Variants in DLGAP2 observed in about 807,000 individuals in gnomAD.
The protein encoded by DLGAP2 is DLG associated protein 2.
A neutral mutation model predicts 100.3 loss-of-function variants in DLGAP2; 26 were observed. The ratio of observed to expected loss-of-function variants is 0.26; its 90% CI spans 0.19 to 0.36. The LOEUF (loss-of-function observed/expected upper bound fraction) is 0.36. DLGAP2 is among the 10% of genes least tolerant of loss of function. The probability of loss-of-function intolerance (pLI) is 1.00; values close to 1 mark genes in which losing one functional copy is unlikely to be tolerated. For missense variants in DLGAP2, 1,858 were observed against 1,453.2 expected (o/e 1.28, Z -4.53); for synonymous variants, 886 against 630.1 (o/e 1.41, Z -6.08).
At chr8:937,961 G>C (rs968108160) in intron 2 of DLGAP2, among the ~76,000 whole-genome samples, 1 of 152,150 alleles carries the variant, frequency 6.6e-6, no homozygotes, top group Non-Finnish European at 1.5e-5. Context: ...ATCCAAGGTG[G>C]AGCTGAGGGT....
chr8:919,358 T>C (rs1798660382), intron 2 of DLGAP2, among the ~76,000 whole-genome samples: 1 of 152,190 alleles, frequency 6.6e-6, no homozygotes, highest in Non-Finnish European at 1.5e-5. Flanking sequence ...GCTTGTGCTT[T>C]CTGATGTTCT....
At position 1,077,979 on chromosome 8, in the gene DLGAP2, G is replaced by T. The variant is rs149737424; in HGVS notation, c.73+170013G>T. On this transcript the variant is annotated intron_variant, in intron 2 of 14. Transcript: ENST00000637795. ...ACTCCAGGGGTGTCATCCACGCCAT[G>T]TCCTCTGTGGCTGTTGCCAGCTCTA... Among the ~76,000 whole-genome samples the T allele has an allele frequency of 6.2e-3, 947 of 152,298 alleles. 13 individuals are homozygous for T. Among genetic ancestry groups the T allele is most frequent in the Admixed American group, 8.1e-3 (124 of 15,312 alleles).
intron 3 of DLGAP2, among the ~76,000 whole-genome samples, chr8:1,455,443 G>A (rs1798285065): frequency 6.6e-6 from 1 of 152,238 alleles, no homozygotes; most frequent in Non-Finnish European, 1.5e-5. Flanking sequence ...CGGGGAGAGA[G>A]CTGAAAGGAA....
At chr8:1,571,538 A>AGAGGAGT (rs1802681609) in intron 6 of DLGAP2, among the ~76,000 whole-genome samples, 1 of 124,954 alleles carries the variant, frequency 8.0e-6, no homozygotes, top group Non-Finnish European at 1.6e-5. Flanking sequence ...TGGAGAGGAG[A>AGAGGAGT]GAGGAGTGAA....
chr8:1,625,863 A>G (rs186909824), intron 6 of DLGAP2, among the ~76,000 whole-genome samples: 2 of 152,314 alleles, frequency 1.3e-5, no homozygotes, highest in East Asian at 3.9e-4. Flanking sequence ...ATCTCAGAAT[A>G]TTTGCATATG....
intron 3 of DLGAP2, among the ~76,000 whole-genome samples, chr8:1,483,363 C>G (rs1489802688): frequency 6.6e-6 from 1 of 152,294 alleles, no homozygotes; most frequent in South Asian, 2.1e-4. Flanking sequence ...CGGTGTGTTT[C>G]CAGAGTCTCC....
chr8:1,338,925 G>C (rs111841249), intron 3 of DLGAP2, among the ~76,000 whole-genome samples: 1 of 42,704 alleles, frequency 2.3e-5, no homozygotes, highest in Non-Finnish European at 4.3e-5. Flanking sequence ...GACCTGGCAG[G>C]GAATGCAATG....
At chr8:1,359,088 C>T (rs1801918790) in intron 3 of DLGAP2, among the ~76,000 whole-genome samples, 1 of 152,190 alleles carries the variant, frequency 6.6e-6, no homozygotes, top group Non-Finnish European at 1.5e-5. Context: ...CTAGCAAATT[C>T]CCAGGGGTTG....
intron 8 of DLGAP2, among the ~76,000 whole-genome samples, chr8:1,644,606 C>T (rs576026897): frequency 2.0e-4 from 30 of 152,356 alleles, no homozygotes; most frequent in African/African-American, 6.7e-4. Context: ...CCTTCCCACT[C>T]CCTGACCAGG....
chr8:1,464,287 G>A lies in DLGAP2; in HGVS notation c.107-37079G>A, dbSNP rs74193927. ...CAGGACGGCACCCTTCCAGGACAACGCCCTTCCAGGATGGCACCCTTCCAG... is the reference window on the plus strand; with the variant it reads ...CAGGACGGCACCCTTCCAGGACAACACCCTTCCAGGATGGCACCCTTCCAG... On this transcript the variant is annotated intron_variant, in intron 3 of 14. Coordinates refer to ENST00000637795, the MANE Select transcript of DLGAP2 (RefSeq NM_001346810.2). 7.7e-3 allele frequency among the ~76,000 whole-genome samples: 228 copies of A among 29,718 alleles called. 75 individuals are homozygous for A. In the East Asian group the frequency reaches 0.1, roughly 13 times the overall value. The allele number at this position is 29,718 out of a possible 152,430, so 19.5% of individuals were successfully genotyped here.
chr8:1,538,756 C>T (rs1485457117), intron 4 of DLGAP2, among the ~76,000 whole-genome samples: 2 of 152,138 alleles, frequency 1.3e-5, no homozygotes, highest in Non-Finnish European at 2.9e-5. Flanking sequence ...CTCCCCGCAG[C>T]GTGGCCACAG....
At chr8:1,320,146 G>T (rs929941320) in intron 3 of DLGAP2, among the ~76,000 whole-genome samples, 1 of 152,028 alleles carries the variant, frequency 6.6e-6, no homozygotes, top group Non-Finnish European at 1.5e-5. Context: ...TGAAGGGGAC[G>T]GCCTGTGTTC....
At chr8:1,135,424 C>A (rs115019157) in intron 2 of DLGAP2, among the ~76,000 whole-genome samples, 1 of 145,748 alleles carries the variant, frequency 6.9e-6, no homozygotes, top group Non-Finnish European at 1.5e-5. Context: ...AGTGGAGAGG[C>A]GGAAATGGTT....
chr8:742,197 T>G (rs1464872558), intron 1 of DLGAP2, among the ~76,000 whole-genome samples: 1 of 152,228 alleles, frequency 6.6e-6, no homozygotes, highest in Non-Finnish European at 1.5e-5. Context: ...AAAGGCTTAT[T>G]CATCTTCGGG....
chr8:1,615,342 T>C (rs1797115226), intron 6 of DLGAP2, among the ~76,000 whole-genome samples: 2 of 151,998 alleles, frequency 1.3e-5, no homozygotes, highest in South Asian at 2.1e-4. Flanking sequence ...TTAGCACACA[T>C]TGGAGGAGGG....
intron 3 of DLGAP2, among the ~76,000 whole-genome samples, chr8:1,336,031 C>G (rs1485911285): frequency 3.3e-5 from 5 of 152,144 alleles, no homozygotes; most frequent in Non-Finnish European, 4.4e-5. Context: ...TAAAGAAACT[C>G]TGAGCGGTGC....
At chr8:955,913 A>G (rs1169690103) in intron 2 of DLGAP2, among the ~76,000 whole-genome samples, 3 of 152,162 alleles carry the variant, frequency 2.0e-5, no homozygotes, top group Admixed American at 6.5e-5. Flanking sequence ...CTCGGTATTA[A>G]GAACACAGAC....
chr8:1,039,859 C>T (rs1171614515), intron 2 of DLGAP2, among the ~76,000 whole-genome samples: 2 of 145,904 alleles, frequency 1.4e-5, no homozygotes, highest in East Asian at 2.1e-4. Flanking sequence ...GCTCGGTGTG[C>T]GTGGTCGGCT....
intron 1 of DLGAP2, among the ~76,000 whole-genome samples, chr8:775,026 G>C (rs1821474869): frequency 6.6e-6 from 1 of 151,978 alleles, no homozygotes; most frequent in African/African-American, 2.4e-5. Flanking sequence ...TTATTTCTTT[G>C]AGCAGTGGTT....
Sources: gnomAD v4.1 joint callset for allele counts (sites outside exome capture counted in the v4.1 genomes callset) on GRCh38, gnomAD v4.1.1 for gene constraint, MANE v1.5 for transcripts, NCBI Gene and HGNC (gene_info 2026-07-23, HGNC 2026-07-21) for gene names.